Variants in MREG observed in about 807,000 individuals in gnomAD.
MREG encodes the protein dilute suppressor protein homolog.
In MREG, 31 loss-of-function variants were observed where a neutral mutation model predicts 28.5. The observed-to-expected ratio is 1.09, with a 90% CI of 0.82 to 1.47. The LOEUF is 1.47. MREG is among the 40% of genes most tolerant of loss of function. The pLI is 0.00. For missense variants in MREG, 256 were observed against 257.4 expected, an observed-to-expected ratio of 0.99 and a Z score of 0.04; for synonymous variants, 106 against 95.2, an observed-to-expected ratio of 1.11 and a Z score of -0.66.
At chr2:216,014,287 C>A (rs189627567), upstream of MREG, among the ~76,000 whole-genome samples, 63 of 152,148 alleles carry the variant, frequency 4.1e-4, no homozygotes, top group Admixed American at 4.0e-3. Context: ...TGGATTCCGG[C>A]CTTTCATTAT....
intron 1 of MREG, among the ~76,000 whole-genome samples, chr2:216,028,527 CAAA>C (rs1191138312): frequency 4.8e-5 from 3 of 62,794 alleles, no homozygotes; most frequent in Non-Finnish European, 9.2e-5. Flanking sequence ...GACTCCATCT[CAAA>C]AAAAAAAAAA....
chr2:216,007,474 G>C (rs2106029792), intron 1 of MREG, among the ~76,000 whole-genome samples: 1 of 151,818 alleles, frequency 6.6e-6, no homozygotes, highest in Admixed American at 6.6e-5. Flanking sequence ...CTGTCACCCA[G>C]GCTGGAGTGC....
intron 2 of MREG, among the ~76,000 whole-genome samples, chr2:215,971,420 G>A (rs566790892): frequency 1.2e-4 from 18 of 152,262 alleles, no homozygotes; most frequent in African/African-American, 4.1e-4. Context: ...TAGTTTCCAT[G>A]TACCCTAAGG....
chr2:215,952,223 T>C, intron 2 of MREG, among the ~76,000 whole-genome samples: 1 of 152,216 alleles, frequency 6.6e-6, no homozygotes, highest in East Asian at 1.9e-4. Flanking sequence ...CATGCTGCAA[T>C]GAACATGGGG....
chr2:216,026,295 A>T (rs1373220702), intron 1 of MREG, among the ~76,000 whole-genome samples: 2 of 152,210 alleles, frequency 1.3e-5, no homozygotes, highest in African/African-American at 2.4e-5. Flanking sequence ...ATTACACAAC[A>T]TTGTGAATGT....
chr2:215,983,879 A>G (rs1693494724), intron 2 of MREG, among the ~76,000 whole-genome samples: 1 of 152,238 alleles, frequency 6.6e-6, no homozygotes, highest in South Asian at 2.1e-4. Flanking sequence ...TTAAAGGATA[A>G]GCGTAGAATT....
chr2:215,963,151 C>A (rs1432032533), intron 2 of MREG, among the ~76,000 whole-genome samples: 1 of 151,932 alleles, frequency 6.6e-6, no homozygotes. Flanking sequence ...AAAGAATGTA[C>A]AATTTGTCAT....
intron 1 of MREG, among the ~76,000 whole-genome samples, chr2:216,002,982 CTT>C (rs1694058005): frequency 6.9e-6 from 1 of 145,922 alleles, no homozygotes; most frequent in Non-Finnish European, 1.5e-5. Flanking sequence ...TCTTTTCTCT[CTT>C]TCTGTCTCTC....
chr2:216,021,147 G>A (rs951523823), intron 1 of MREG, among the ~76,000 whole-genome samples: 4 of 152,098 alleles, frequency 2.6e-5, no homozygotes, highest in Admixed American at 6.5e-5. Context: ...AGTATTTGTC[G>A]GGCTTTTTAG....
rs144446625 is a variant in MREG at position 215,995,357 on chromosome 2, T to C, written c.255+949A>G. ...ACCCCTCCAAAGCATCCAACTCACA[T>C]CAGAATAAAAGGACCGGGACACATG... On this transcript the variant is annotated intron_variant, in intron 2 of 4. Coordinates refer to ENST00000263268, the MANE Select transcript of MREG (RefSeq NM_018000.3). Among the ~76,000 whole-genome samples the C allele has an allele frequency of 2.3e-3, 343 of 152,182 alleles. 3 individuals are homozygous for C. The highest frequency in any genetic ancestry group is 7.6e-3 in the African/African-American group (316 of 41,516).
At chr2:215,966,418 A>T (rs993048897) in intron 2 of MREG, among the ~76,000 whole-genome samples, 2 of 152,074 alleles carry the variant, frequency 1.3e-5, no homozygotes, top group African/African-American at 4.8e-5. Flanking sequence ...ACTTACAGCC[A>T]CAAACTAAAC....
intron 2 of MREG, among the ~76,000 whole-genome samples, chr2:215,959,987 G>A (rs111561509): frequency 0.052 from 7,790 of 149,904 alleles, 373 homozygotes; most frequent in African/African-American, 0.13. Flanking sequence ...ACGGAGTCTC[G>A]CTCTGTCGCA....
At chr2:216,028,012 T>C (rs1008568190) in intron 1 of MREG, among the ~76,000 whole-genome samples, 1 of 152,242 alleles carries the variant, frequency 6.6e-6, no homozygotes, top group Non-Finnish European at 1.5e-5. Flanking sequence ...GATTTTTCTA[T>C]GTAAATACAG....
chr2:216,010,483 G>C (rs1694272131), intron 1 of MREG, among the ~76,000 whole-genome samples: 1 of 141,812 alleles, frequency 7.1e-6, no homozygotes, highest in South Asian at 2.3e-4. Flanking sequence ...TCAACCTCCC[G>C]AGTAGCTGGG....
upstream of MREG, among the ~76,000 whole-genome samples, chr2:216,016,128 T>C (rs1018584663): frequency 6.6e-6 from 1 of 152,148 alleles, no homozygotes; most frequent in Non-Finnish European, 1.5e-5. Flanking sequence ...TATGGACCCA[T>C]CATGAAACAT....
intron 1 of MREG, among the ~76,000 whole-genome samples, chr2:216,005,500 G>A (rs1387296269): frequency 7.4e-6 from 1 of 135,064 alleles, no homozygotes; most frequent in African/African-American, 2.7e-5. Context: ...CACCCAGGCT[G>A]GAGTGCAGTG....
chr2:215,955,644 A>G lies in MREG; in HGVS notation c.256-8531T>C, dbSNP rs12471230. ...TTCCTTTCAGTTCGCACCAATTGACATCATCTTATGCTGCTTCTACTTAAA... is the reference window on the plus strand; with the variant it reads ...TTCCTTTCAGTTCGCACCAATTGACGTCATCTTATGCTGCTTCTACTTAAA... On this transcript the variant is annotated intron_variant, in intron 2 of 4. Transcript: ENST00000263268. Among the ~76,000 whole-genome samples, 876 of 152,356 alleles carry G rather than the reference A, an allele frequency of 5.7e-3. 7 individuals are homozygous for G. Among genetic ancestry groups the G allele is most frequent in the African/African-American group, 0.02 (828 of 41,582 alleles).
At chr2:215,990,960 C>T (rs533953712) in intron 2 of MREG, among the ~76,000 whole-genome samples, 1 of 152,082 alleles carries the variant, frequency 6.6e-6, no homozygotes, top group East Asian at 1.9e-4. Context: ...ACTTTAACAC[C>T]CCACTGTCAA....
intron 1 of MREG, among the ~76,000 whole-genome samples, chr2:216,003,931 G>T (rs567831437): frequency 6.6e-6 from 1 of 152,200 alleles, no homozygotes; most frequent in Non-Finnish European, 1.5e-5. Flanking sequence ...AACAGCCAAA[G>T]TGATCCTTTT....
Sources: allele counts gnomAD v4.1 joint callset (sites outside exome capture counted in the v4.1 genomes callset), GRCh38; gene constraint gnomAD v4.1.1; transcripts MANE v1.5; gene names NCBI Gene and HGNC (gene_info 2026-07-23, HGNC 2026-07-21).